Variants in LRRC4B observed in about 807,000 individuals in gnomAD.
The protein encoded by LRRC4B is leucine rich repeat containing 4B.
In LRRC4B, 1 loss-of-function variant was observed where a neutral mutation model predicts 7.3. The observed-to-expected ratio is 0.14, with a 90% CI of 0.05 to 0.65. The LOEUF (loss-of-function observed/expected upper bound fraction) is 0.65, where lower values mean the gene tolerates loss of function less well. Ranked by LOEUF, LRRC4B falls within the 30% of genes least tolerant of loss-of-function variation. The pLI, the probability that LRRC4B is intolerant of heterozygous loss-of-function variation, is 0.84. For missense variants in LRRC4B, 730 were observed against 1,041.6 expected, an observed-to-expected ratio of 0.70 and a Z score of 4.12; for synonymous variants, 500 against 499.2, an observed-to-expected ratio of 1.00 and a Z score of -0.02.
chr19:50,540,527 T>C (rs1165602060), intron 2 of LRRC4B, among the ~76,000 whole-genome samples: 1 of 152,048 alleles, frequency 6.6e-6, no homozygotes, highest in Non-Finnish European at 1.5e-5. Context: ...TGGGTTATTT[T>C]TGTATTTTTA....
In LRRC4B at chr19:50,518,808, C is replaced by T. The variant is rs1255323887; in HGVS notation, c.905G>A (p.Arg302His). 5.0e-6 allele frequency: 8 copies of T among 1,614,040 alleles called. No individual in the cohort carries two copies. The highest frequency in any genetic ancestry group is 2.2e-5 in the East Asian group (1 of 44,870). ...LPHDLFTPLH[R>H]LERVHLNHNP... Reference sequence around the variant, plus strand: ...GTGGTTGAGGTGCACGCGCTCGAGGCGGTGCAGGGGCGTGAAGAGGTCGTG... The same window carrying T: ...GTGGTTGAGGTGCACGCGCTCGAGGTGGTGCAGGGGCGTGAAGAGGTCGTG... The change falls in exon 3 of 3, where the codon CGC becomes CAC. Residue 302 changes from arginine to histidine, a missense_variant. By Grantham distance (29) the Arg-to-His change is conservative. Coordinates refer to ENST00000652263, the MANE Select transcript of LRRC4B (RefSeq NM_001080457.2).
chr19:50,566,766 G>C (rs910603876), intron 1 of LRRC4B, among the ~76,000 whole-genome samples: 2 of 151,474 alleles, frequency 1.3e-5, no homozygotes, highest in Admixed American at 6.6e-5. Context: ...GGATTGGGGG[G>C]GTCTGAGACT....
At chr19:50,552,659 T>G (rs1406251357) in intron 1 of LRRC4B, among the ~76,000 whole-genome samples, 3 of 116,256 alleles carry the variant, frequency 2.6e-5, no homozygotes, top group African/African-American at 1.1e-4. Flanking sequence ...CATCCATCCA[T>G]CCATCCATCC....
At position 50,548,867 on chromosome 19, in the gene LRRC4B, T is replaced by TG; in HGVS notation, c.-30dup. 4 of 453,242 alleles carry TG rather than the reference T, an allele frequency of 8.8e-6. No individual in the cohort carries two copies. Among genetic ancestry groups the TG allele is most frequent in the Non-Finnish European group, 8.3e-6 (3 of 362,588 alleles). 28.1% of individuals were successfully genotyped at this position (453,242 alleles called of 1,614,324 possible). A position where few individuals can be genotyped will look rare whatever the true frequency, so the allele number is the denominator to read the frequency against. ...CAATGTTCATGCTCCGCGTGGACGCTGGGGGGCTGTGGGTGGGGGAGAGAA... is the reference window on the plus strand; with the variant it reads ...CAATGTTCATGCTCCGCGTGGACGCTGGGGGGGCTGTGGGTGGGGGAGAGAA... On this transcript the variant is annotated 5_prime_UTR_variant, in exon 2 of 3. It removes the in-frame stop codon of an upstream open reading frame in the 5' UTR. Transcript: ENST00000652263. This position sits in a 1 kb window ranked among gnomAD's most constrained non-coding sequence, Gnocchi z 6.8.
In LRRC4B at chr19:50,548,879, G is replaced by A. The variant is rs1981936446; in HGVS notation, c.-35-6C>T. On this transcript the variant is annotated splice_region_variant and splice_polypyrimidine_tract_variant and intron_variant, in intron 1 of 2. Coordinates refer to ENST00000652263, the MANE Select transcript of LRRC4B (RefSeq NM_001080457.2). This position sits in a 1 kb window ranked among gnomAD's most constrained non-coding sequence, Gnocchi z 6.8. ...TCCGCGTGGACGCTGGGGGGCTGTGGGTGGGGGAGAGAAGGGGGAGAGGCT... is the reference window on the plus strand; with the variant it reads ...TCCGCGTGGACGCTGGGGGGCTGTGAGTGGGGGAGAGAAGGGGGAGAGGCT... 2.2e-6 allele frequency: 3 copies of A among 1,377,686 alleles called. No homozygotes were observed. Among genetic ancestry groups the A allele is most frequent in the Middle Eastern group, 2.6e-4 (1 of 3,822 alleles). The allele number at this position is 1,377,686 out of a possible 1,614,324, so 85.3% of individuals were successfully genotyped here.
At chr19:50,528,214 A>C (rs1168975683) in intron 2 of LRRC4B, among the ~76,000 whole-genome samples, 1 of 151,448 alleles carries the variant, frequency 6.6e-6, no homozygotes, top group African/African-American at 2.4e-5. Flanking sequence ...TGCTAAGTTT[A>C]AAATTTTGTA....
chr19:50,551,590 T>C (rs1029963528), intron 1 of LRRC4B, among the ~76,000 whole-genome samples: 1 of 124,596 alleles, frequency 8.0e-6, no homozygotes, highest in African/African-American at 3.1e-5. Flanking sequence ...CCACCTCCTC[T>C]GGCCTCAACC....
intron 1 of LRRC4B, among the ~76,000 whole-genome samples, chr19:50,567,288 G>T (rs902958770): frequency 6.6e-6 from 1 of 151,796 alleles, no homozygotes; most frequent in African/African-American, 2.4e-5. Context: ...AGGGGCAGGG[G>T]TCCGAGCCGC....
intron 1 of LRRC4B, among the ~76,000 whole-genome samples, chr19:50,564,019 A>G (rs887275344): frequency 1.3e-5 from 2 of 152,100 alleles, no homozygotes; most frequent in African/African-American, 4.8e-5. Flanking sequence ...AACCAAGGGA[A>G]GGAGAGTGGA....
chr19:50,538,850 TGAGCCACCGTGCTGGGATTACAGGTGC>T (rs1480755170), intron 2 of LRRC4B, among the ~76,000 whole-genome samples: 2 of 150,998 alleles, frequency 1.3e-5, no homozygotes, highest in African/African-American at 4.9e-5. Context: ...ATTACAGGTG[TGAGCCACCGTGCTGGGATTACAGGTGC>T]GAGCCACCGC....
intron 1 of LRRC4B, among the ~76,000 whole-genome samples, chr19:50,560,324 T>C (rs1399594838): frequency 2.0e-5 from 3 of 152,092 alleles, no homozygotes; most frequent in Non-Finnish European, 4.4e-5. Context: ...TCCGGAGCTC[T>C]GTATAGGGGT....
At chr19:50,525,767 C>T (rs1042021445) in intron 2 of LRRC4B, among the ~76,000 whole-genome samples, 2 of 152,032 alleles carry the variant, frequency 1.3e-5, no homozygotes, top group African/African-American at 4.8e-5. Context: ...GGGCCGCCCC[C>T]ATCCTGGCCC....
chr19:50,546,381 C>G (rs1030610366), intron 2 of LRRC4B, among the ~76,000 whole-genome samples: 1 of 152,042 alleles, frequency 6.6e-6, no homozygotes, highest in Non-Finnish European at 1.5e-5. Flanking sequence ...CTCTGATTAC[C>G]CTCGACGTGG....
At chr19:50,527,407 G>A (rs187410003) in intron 2 of LRRC4B, among the ~76,000 whole-genome samples, 33 of 138,028 alleles carry the variant, frequency 2.4e-4, no homozygotes, top group Non-Finnish European at 4.0e-4. Flanking sequence ...AGGTGGTCTC[G>A]AATTTCTGAC....
At chr19:50,541,838 G>A (rs35779110) in intron 2 of LRRC4B, among the ~76,000 whole-genome samples, 34,467 of 151,982 alleles carry the variant, frequency 0.23, 4,296 homozygotes, top group African/African-American at 0.32. Context: ...GAGGATTTGC[G>A]GTGGGGCAGC....
intron 1 of LRRC4B, among the ~76,000 whole-genome samples, chr19:50,551,676 A>C: frequency 7.8e-6 from 1 of 128,518 alleles, no homozygotes; most frequent in African/African-American, 3.1e-5. Flanking sequence ...TCCTCCATCT[A>C]TTCCTCCCTC....
Position 50,563,892 on chromosome 19 carries a change from G to T in LRRC4B, c.-36+4052C>A, listed in dbSNP as rs947626095. On this transcript the variant is annotated intron_variant, in intron 1 of 2. Transcript: ENST00000652263. The surrounding 1 kb of genome is among the most constrained non-coding windows in gnomAD (Gnocchi z 4.9). ...GAAGGATAAGACTCTTCCTGCTCTC[G>T]GCAAGGGAAGGAGGCCATTTAAGTG... Among the ~76,000 whole-genome samples the T allele has an allele frequency of 2.6e-5, 4 of 152,176 alleles. No homozygotes were observed. The highest frequency in any genetic ancestry group is 5.9e-5 in the Non-Finnish European group (4 of 68,028).
intron 2 of LRRC4B, among the ~76,000 whole-genome samples, chr19:50,527,307 C>CA (rs1256775987): frequency 2.0e-5 from 3 of 151,640 alleles, no homozygotes; most frequent in Admixed American, 2.0e-4. Context: ...GCTGGGATTA[C>CA]AGGCATGAGC....
At chr19:50,552,803 T>A (rs543009695) in intron 1 of LRRC4B, among the ~76,000 whole-genome samples, 1 of 152,314 alleles carries the variant, frequency 6.6e-6, no homozygotes, top group Non-Finnish European at 1.5e-5. Flanking sequence ...CATCCTTCCA[T>A]CCATCTGTCC....
Sources: allele counts gnomAD v4.1 joint callset (sites outside exome capture counted in the v4.1 genomes callset), GRCh38; gene constraint gnomAD v4.1.1; non-coding constraint Gnocchi (gnomAD v3.1); transcripts MANE v1.5; gene names NCBI Gene and HGNC (gene_info 2026-07-23, HGNC 2026-07-21).